Variants in BBX observed in about 807,000 individuals in gnomAD.
BBX encodes the protein BBX high mobility group box domain containing.
In BBX, 30 loss-of-function variants were observed where a neutral mutation model predicts 100.2. The ratio of observed to expected loss-of-function variants is 0.30; its 90% CI spans 0.22 to 0.41. The LOEUF is 0.41. Ranked by LOEUF, BBX falls within the 10% of genes least tolerant of loss-of-function variation. The probability of loss-of-function intolerance (pLI) is 1.00; values close to 1 mark genes in which losing one functional copy is unlikely to be tolerated. For missense variants in BBX, 1,023 were observed against 1,129.8 expected, an observed-to-expected ratio of 0.91 and a Z score of 1.35; for synonymous variants, 376 against 388.1, an observed-to-expected ratio of 0.97 and a Z score of 0.37.
chr3:107,792,781 G>T (rs896167911), intron 15 of BBX, among the ~76,000 whole-genome samples: 24 of 152,184 alleles, frequency 1.6e-4, no homozygotes, highest in Non-Finnish European at 2.9e-4. Flanking sequence ...AGGCACTGAT[G>T]AACTAGCAGA....
rs1029623204 is a variant in BBX, at chr3:107,808,321, T to C, written c.*2864T>C. On this transcript the variant is annotated 3_prime_UTR_variant, in exon 18 of 18. Transcript: ENST00000325805. ...TTTTATTCTAAATTGTTGTATCATA[T>C]CTTTCTGAAACCATTCTGAATTTAG... 1 of 152,224 alleles carries C rather than the reference T, an allele frequency of 6.6e-6. No homozygotes were observed. Among genetic ancestry groups the C allele is most frequent in the Non-Finnish European group, 1.5e-5 (1 of 68,034 alleles). The allele number at this position is 152,224 out of a possible 1,614,324, so 9.4% of individuals were successfully genotyped here.
chr3:107,636,053 T>G (rs769889693), intron 2 of BBX, among the ~76,000 whole-genome samples: 10 of 152,174 alleles, frequency 6.6e-5, no homozygotes, highest in Non-Finnish European at 1.3e-4. Flanking sequence ...ACTCTCTGTC[T>G]CCTCTCCCTT....
intron 3 of BBX, among the ~76,000 whole-genome samples, chr3:107,668,843 G>A (rs1271620964): frequency 2.0e-5 from 3 of 152,188 alleles, no homozygotes; most frequent in South Asian, 2.1e-4. Flanking sequence ...CAGTTTTCAC[G>A]CAAAGGTTCT....
chr3:107,771,033 C>T (rs905666049), intron 10 of BBX, among the ~76,000 whole-genome samples: 7 of 152,138 alleles, frequency 4.6e-5, no homozygotes, highest in African/African-American at 1.7e-4. Flanking sequence ...CTTGATTTTG[C>T]ATTGACTCAG....
intron 2 of BBX, among the ~76,000 whole-genome samples, chr3:107,606,801 C>T (rs965438691): frequency 6.6e-6 from 1 of 151,950 alleles, no homozygotes; most frequent in African/African-American, 2.4e-5. Flanking sequence ...ACAAACAATC[C>T]GATTATACTC....
At chr3:107,720,013 C>A (rs2062412622) in intron 5 of BBX, among the ~76,000 whole-genome samples, 2 of 151,880 alleles carry the variant, frequency 1.3e-5, no homozygotes, top group Non-Finnish European at 2.9e-5. Flanking sequence ...TTTATCATAC[C>A]CACTGTTTTA....
At chr3:107,569,282 C>G (rs1255193555) in intron 2 of BBX, among the ~76,000 whole-genome samples, 1 of 152,138 alleles carries the variant, frequency 6.6e-6, no homozygotes, top group African/African-American at 2.4e-5. Flanking sequence ...ATCACTAGTT[C>G]TCATATTGAT....
intron 15 of BBX, among the ~76,000 whole-genome samples, chr3:107,794,942 C>T (rs1191579589): frequency 6.6e-6 from 1 of 152,160 alleles, no homozygotes; most frequent in African/African-American, 2.4e-5. Flanking sequence ...CAGGAGTGAG[C>T]TTGCATCATC....
intron 2 of BBX, among the ~76,000 whole-genome samples, chr3:107,579,482 C>G (rs72941311): frequency 6.6e-6 from 1 of 152,176 alleles, no homozygotes; most frequent in Admixed American, 6.5e-5. Context: ...GCCATGTATT[C>G]GGGGATGAAT....
intron 3 of BBX, among the ~76,000 whole-genome samples, chr3:107,659,180 C>T (rs1436175138): frequency 6.6e-6 from 1 of 150,950 alleles, no homozygotes; most frequent in Non-Finnish European, 1.5e-5. Flanking sequence ...GCATATTTTC[C>T]CCCAACATTT....
chr3:107,698,471 T>G (rs2060817409), intron 3 of BBX, among the ~76,000 whole-genome samples: 1 of 151,326 alleles, frequency 6.6e-6, no homozygotes, highest in Non-Finnish European at 1.5e-5. Flanking sequence ...GCCAATATGG[T>G]GAAACCCCAT....
intron 4 of BBX, among the ~76,000 whole-genome samples, chr3:107,711,043 C>G (rs2061687801): frequency 6.6e-6 from 1 of 152,228 alleles, no homozygotes; most frequent in East Asian, 1.9e-4. Flanking sequence ...TTCACAGCTT[C>G]TGGCTGCACT....
chr3:107,573,431 T>C (rs1001308468), intron 2 of BBX, among the ~76,000 whole-genome samples: 4 of 152,044 alleles, frequency 2.6e-5, no homozygotes, highest in Non-Finnish European at 5.9e-5. Flanking sequence ...GGCGGGCATC[T>C]GTAGTCCCAG....
At chr3:107,536,720 T>G (rs1161294725) in intron 2 of BBX, among the ~76,000 whole-genome samples, 2 of 152,066 alleles carry the variant, frequency 1.3e-5, no homozygotes, top group African/African-American at 4.8e-5. Flanking sequence ...CTATACCAAT[T>G]TTTTCAACAT....
At chr3:107,533,620 T>C (rs772878227) in intron 2 of BBX, among the ~76,000 whole-genome samples, 1 of 152,232 alleles carries the variant, frequency 6.6e-6, no homozygotes, top group Non-Finnish European at 1.5e-5. Flanking sequence ...ACTGAACCTC[T>C]TATATTCCAT....
chr3:107,657,665 A>G (rs1375090647), intron 3 of BBX, among the ~76,000 whole-genome samples: 1 of 152,094 alleles, frequency 6.6e-6, no homozygotes, highest in South Asian at 2.1e-4. Flanking sequence ...AGGAGCTACT[A>G]GTATTACTGA....
chr3:107,675,256 G>A (rs1467926422), intron 3 of BBX, among the ~76,000 whole-genome samples: 1 of 152,040 alleles, frequency 6.6e-6, no homozygotes, highest in Non-Finnish European at 1.5e-5. Flanking sequence ...CAGTTTTGAC[G>A]GAAATCAGAG....
At chr3:107,767,957 G>C (rs981947517) in intron 10 of BBX, among the ~76,000 whole-genome samples, 4 of 152,182 alleles carry the variant, frequency 2.6e-5, no homozygotes, top group Non-Finnish European at 4.4e-5. Context: ...GGCAAAGGCA[G>C]CTTCTCTTCC....
intron 10 of BBX, among the ~76,000 whole-genome samples, chr3:107,762,796 G>T (rs956402556): frequency 6.6e-6 from 1 of 152,062 alleles, no homozygotes; most frequent in Admixed American, 6.5e-5. Context: ...AAATTATATG[G>T]TGCATTTTGG....
Sources: allele counts gnomAD v4.1 joint callset (sites outside exome capture counted in the v4.1 genomes callset), GRCh38; gene constraint gnomAD v4.1.1; transcripts MANE v1.5; gene names NCBI Gene and HGNC (gene_info 2026-07-23, HGNC 2026-07-21).